The following BLM variants were observed in gnomAD, a reference collection of about 807,000 sequenced individuals.
The protein encoded by BLM is recQ-like DNA helicase BLM.
A neutral mutation model predicts 135.3 loss-of-function variants in BLM; 95 were observed. The observed-to-expected ratio is 0.70, with a 90% confidence interval of 0.59 to 0.83. The LOEUF (loss-of-function observed/expected upper bound fraction) is 0.83, where lower values mean the gene tolerates loss of function less well. BLM is among the 40% of genes least tolerant of loss of function. BLM has a pLI of 0.00. For missense variants in BLM, 1,518 were observed against 1,663.9 expected (o/e 0.91, Z 1.53); for synonymous variants, 520 against 589.2 (o/e 0.88, Z 1.70).
chr15:90,786,868 C>G (rs1408315842), intron 14 of BLM, among the ~76,000 whole-genome samples: 1 of 151,866 alleles, frequency 6.6e-6, no homozygotes, highest in Non-Finnish European at 1.5e-5. Flanking sequence ...CCACCTCAGC[C>G]CCCCAAAGTG....
intron 18 of BLM, among the ~76,000 whole-genome samples, 172 bp from the exon 19 acceptor site, chr15:90,803,995 A>G (rs1008161965): frequency 6.6e-6 from 1 of 152,226 alleles, no homozygotes; most frequent in Admixed American, 6.5e-5. Flanking sequence ...TCTATGCTTG[A>G]CACTGGAGAT....
chr15:90,721,073 A>G (rs1196690784), intron 1 of BLM, among the ~76,000 whole-genome samples: 3 of 152,156 alleles, frequency 2.0e-5, no homozygotes, highest in African/African-American at 7.2e-5. Flanking sequence ...TATTTTAGTG[A>G]ATCAGTCTTT....
chr15:90,721,795 G>A (rs1482606123), intron 1 of BLM, among the ~76,000 whole-genome samples: 1 of 151,762 alleles, frequency 6.6e-6, no homozygotes, highest in Non-Finnish European at 1.5e-5. Context: ...GCTGAGCATG[G>A]TGGCACATGC....
intron 2 of BLM, among the ~76,000 whole-genome samples, chr15:90,747,869 G>A (rs1895547824): frequency 6.6e-6 from 1 of 151,630 alleles, no homozygotes; most frequent in Non-Finnish European, 1.5e-5. Flanking sequence ...GTGCAGTGGC[G>A]CGATCTTGGC....
At chr15:90,787,299 C>T (rs140945543) in intron 14 of BLM, among the ~76,000 whole-genome samples, 8,704 of 151,894 alleles carry the variant, frequency 0.057, 309 homozygotes, top group African/African-American at 0.095. Flanking sequence ...GTGATCCGCC[C>T]GCCTCGGCCT....
rs186998130 is a variant in BLM, at chr15:90,751,392, C to T, written c.800-395C>T. ...AAGAGAGACTTAAATAACTGGGAAA[C>T]TTTGTGTTAAAGATGATTTGTACAA... On this transcript the variant is annotated intron_variant, in intron 3 of 21. Coordinates refer to ENST00000355112, the MANE Select transcript of BLM (RefSeq NM_000057.4). Among the ~76,000 whole-genome samples, 154 of 152,286 alleles carry T rather than the reference C, an allele frequency of 1.0e-3. 1 individual carries two copies. The highest frequency in any genetic ancestry group is 3.4e-3 in the African/African-American group (143 of 41,560).
intron 19 of BLM, among the ~76,000 whole-genome samples, chr15:90,806,271 G>A (rs926056625): frequency 6.6e-6 from 1 of 152,180 alleles, no homozygotes; most frequent in Non-Finnish European, 1.5e-5. Flanking sequence ...TGCACTTTGG[G>A]AGGCTGAGGT....
At position 90,815,181 on chromosome 15, in the gene BLM, TC is replaced by T; in HGVS notation, c.4157del (p.Ser1386PhefsTer20). On this transcript the variant is annotated frameshift_variant, in exon 22 of 22. Transcript: ENST00000355112. LOFTEE classifies it high-confidence loss of function. The surrounding 1 kb of genome is among the most constrained non-coding windows in gnomAD (Gnocchi z 4.6). ...TGGATCCAGTTCAGCCTCACATACT[TC>T]TCAAGCGACATCAGGAGCCAATAGC... ...IIGSSSASHT[S>X]QATSGANSKL... The T allele has an allele frequency of 1.2e-6, 2 of 1,614,174 alleles. No homozygotes were observed. The highest frequency in any genetic ancestry group is 1.3e-5 in the African/African-American group (1 of 75,044).
intron 1 of BLM, among the ~76,000 whole-genome samples, chr15:90,743,297 T>C (rs1895417432): frequency 2.6e-5 from 4 of 152,126 alleles, no homozygotes; most frequent in Non-Finnish European, 5.9e-5. Context: ...TATATTCTTT[T>C]GTAATGGCAT....
intron 1 of BLM, among the ~76,000 whole-genome samples, chr15:90,734,021 G>A (rs1002901151): frequency 6.6e-6 from 1 of 152,024 alleles, no homozygotes; most frequent in Non-Finnish European, 1.5e-5. Context: ...TGAATATTAT[G>A]TATAAAAATT....
intron 1 of BLM, among the ~76,000 whole-genome samples, chr15:90,730,623 T>G (rs992378544): frequency 1.3e-5 from 2 of 151,972 alleles, no homozygotes; most frequent in Non-Finnish European, 2.9e-5. Context: ...AATTTTTGTA[T>G]TTTAGGTAGA....
At chr15:90,789,093 G>A (rs952730319) in intron 14 of BLM, among the ~76,000 whole-genome samples, 2 of 151,170 alleles carry the variant, frequency 1.3e-5, no homozygotes, top group Admixed American at 1.3e-4. Context: ...TTAAACAATA[G>A]GGGTTTATAA....
chr15:90,813,189 T>G (rs1897466810), intron 21 of BLM, among the ~76,000 whole-genome samples: 1 of 152,216 alleles, frequency 6.6e-6, no homozygotes, highest in Admixed American at 6.5e-5. Flanking sequence ...AAAACACGCA[T>G]GGTCTTCCAT....
chr15:90,759,912 T>TA, intron 5 of BLM: 4 of 372,480 alleles, frequency 1.1e-5, no homozygotes, highest in Non-Finnish European at 1.9e-5. Flanking sequence ...CAGCCCCACT[T>TA]TAAAAAAAAA....
At chr15:90,812,229 G>A (rs1484920473) in intron 21 of BLM, among the ~76,000 whole-genome samples, 12 of 152,098 alleles carry the variant, frequency 7.9e-5, no homozygotes, top group African/African-American at 2.9e-4. Context: ...TAACACCTGG[G>A]AGAATCGACC....
At chr15:90,783,133 A>T (rs1174364520) in intron 13 of BLM, among the ~76,000 whole-genome samples, 1 of 152,230 alleles carries the variant, frequency 6.6e-6, no homozygotes, top group East Asian at 1.9e-4. Flanking sequence ...TTCTAACAAA[A>T]ATATATTAAA....
At chr15:90,732,685 C>T (rs919483303) in intron 1 of BLM, among the ~76,000 whole-genome samples, 1 of 149,626 alleles carries the variant, frequency 6.7e-6, no homozygotes. Flanking sequence ...AAATAAATTC[C>T]AAACTTAGAA....
At chr15:90,747,726 G>A (rs1383462667) in intron 2 of BLM, 3 of 453,800 alleles carry the variant, frequency 6.6e-6, no homozygotes, top group South Asian at 3.0e-5. Context: ...AAGATTTGTT[G>A]AGTAAATGAA....
Position 90,815,169 on chromosome 15 carries a change from G to C in BLM, c.4144G>C (p.Ala1382Pro), listed in dbSNP as rs771686396. ...KSSSIIGSSS[A>P]SHTSQATSGA... ...CTCCAGCATCATTGGATCCAGTTCA[G>C]CCTCACATACTTCTCAAGCGACATC... is the stretch of plus-strand genomic sequence containing the variant. Residue 1382 changes from alanine to proline, a missense_variant, in exon 22 of 22, where the codon GCC becomes CCC. Ala to Pro is a conservative substitution (Grantham distance 27). Transcript: ENST00000355112. The surrounding 1 kb of genome is among the most constrained non-coding windows in gnomAD (Gnocchi z 4.6). 3 of 1,614,120 alleles carry C rather than the reference G, an allele frequency of 1.9e-6. No homozygotes were observed. The highest frequency in any genetic ancestry group is 2.5e-6 in the Non-Finnish European group (3 of 1,180,026).
Sources: gnomAD v4.1 joint callset for allele counts (sites outside exome capture counted in the v4.1 genomes callset) on GRCh38, gnomAD v4.1.1 for gene constraint, Gnocchi (gnomAD v3.1) non-coding constraint, MANE v1.5 for transcripts, NCBI Gene and HGNC (gene_info 2026-07-23, HGNC 2026-07-21) for gene names.